The following ULK4 variants were observed in gnomAD, a reference collection of about 807,000 sequenced individuals.
ULK4 encodes unc-51 like kinase 4.
ULK4 carries 133 observed loss-of-function variants against 160.6 expected under a neutral mutation model. That is an observed-to-expected ratio of 0.83 (90% confidence interval 0.72 to 0.96). ULK4 has a LOEUF of 0.96. Among genes scored for constraint, ULK4 ranks in the 40% least tolerant of loss-of-function variants. ULK4 has a pLI of 0.00. For missense variants in ULK4, 1,580 were observed against 1,499.5 expected (o/e 1.05, Z -0.89); for synonymous variants, 534 against 539.8 (o/e 0.99, Z 0.15).
intron 32 of ULK4, among the ~76,000 whole-genome samples, chr3:41,477,232 A>G (rs2084171448): frequency 6.6e-6 from 1 of 152,180 alleles, no homozygotes; most frequent in African/African-American, 2.4e-5. Flanking sequence ...TCCGTAAGTT[A>G]TTTTCAAGTG....
At chr3:41,930,720 C>A (rs1410333112) in intron 5 of ULK4, among the ~76,000 whole-genome samples, 1 of 152,086 alleles carries the variant, frequency 6.6e-6, no homozygotes, top group Non-Finnish European at 1.5e-5. Context: ...ATTTATGCGG[C>A]CAACAAACAT....
At chr3:41,406,883 T>A (rs563678479) in intron 34 of ULK4, among the ~76,000 whole-genome samples, 1 of 152,194 alleles carries the variant, frequency 6.6e-6, no homozygotes, top group South Asian at 2.1e-4. Flanking sequence ...TGAAGAACGG[T>A]TGTCCCTAAG....
At chr3:41,378,124 AC>A (rs2081552034) in intron 35 of ULK4, among the ~76,000 whole-genome samples, 1 of 151,056 alleles carries the variant, frequency 6.6e-6, no homozygotes, top group South Asian at 2.1e-4. Flanking sequence ...TATTGCAAGA[AC>A]AAAAAACCAA....
chr3:41,258,302 C>T (rs977678377), intron 35 of ULK4: 5 of 152,106 alleles, frequency 3.3e-5, no homozygotes, highest in African/African-American at 1.2e-4. Flanking sequence ...AAACTGAAAC[C>T]CACAAAGAAA....
intron 35 of ULK4, chr3:41,277,813 A>C (rs2125691452): frequency 6.6e-6 from 1 of 151,982 alleles, no homozygotes. Context: ...TACCTTAAAA[A>C]CCCTAGGGGT....
At chr3:41,809,059 A>G (rs1308815134) in intron 19 of ULK4, among the ~76,000 whole-genome samples, 1 of 151,804 alleles carries the variant, frequency 6.6e-6, no homozygotes, top group African/African-American at 2.4e-5. Flanking sequence ...TCAGCTACTC[A>G]GGATGCTGAG....
Position 41,825,412 on chromosome 3 carries a change from GA to G in ULK4, c.1765-5907del, listed in dbSNP as rs936289465. ...CTATGGCAAAGAAGTTAAAAACCTT[GA>G]AAAAAAATTAGACAAATGGCTAACC... On this transcript the variant is annotated intron_variant, in intron 18 of 36. Transcript: ENST00000301831. 2.1e-5 allele frequency among the ~76,000 whole-genome samples: 3 copies of G among 139,630 alleles called. No homozygotes were observed. The South Asian group carries it at 6.2e-4, about 29-fold the overall frequency. 91.6% of individuals were successfully genotyped at this position (139,630 alleles called of 152,430 possible).
chr3:41,434,486 G>A (rs1326419933), intron 34 of ULK4, among the ~76,000 whole-genome samples: 5 of 152,138 alleles, frequency 3.3e-5, no homozygotes, highest in Admixed American at 6.5e-5. Context: ...TTTTTTGTGA[G>A]TCTGGATAAG....
intron 17 of ULK4, among the ~76,000 whole-genome samples, chr3:41,856,616 CACAT>C (rs777861785): frequency 9.4e-4 from 69 of 73,394 alleles, no homozygotes; most frequent in East Asian, 4.7e-3. Context: ...TATATATATA[CACAT>C]ATATATATAT....
At chr3:41,410,806 G>A (rs981001024) in intron 34 of ULK4, among the ~76,000 whole-genome samples, 5 of 152,130 alleles carry the variant, frequency 3.3e-5, no homozygotes, top group Non-Finnish European at 7.4e-5. Context: ...CAGGGACAGG[G>A]AAAAATGAAA....
At chr3:41,447,301 G>C (rs965960980) in intron 34 of ULK4, among the ~76,000 whole-genome samples, 7 of 152,008 alleles carry the variant, frequency 4.6e-5, no homozygotes, top group African/African-American at 1.7e-4. Context: ...TCTGAAAGAG[G>C]GCTTGAAAAG....
At chr3:41,694,244 A>G (rs907234027) in intron 27 of ULK4, among the ~76,000 whole-genome samples, 1 of 152,200 alleles carries the variant, frequency 6.6e-6, no homozygotes, top group African/African-American at 2.4e-5. Flanking sequence ...TCAAATATGT[A>G]TGTGTGTGCA....
rs79548912 is a variant in ULK4 at position 41,790,290 on chromosome 3, T to G, written c.2011-447A>C. Among the ~76,000 whole-genome samples the G allele has an allele frequency of 7.9e-4, 121 of 152,364 alleles. 1 individual carries two copies. The East Asian group carries it at 0.018, about 23-fold the overall frequency. On this transcript the variant is annotated intron_variant, in intron 20 of 36. Coordinates refer to ENST00000301831, the MANE Select transcript of ULK4 (RefSeq NM_017886.4). The stretch of plus-strand genomic sequence containing the variant: ...TCTAACAACTATGAGAAAGGTAGTA[T>G]TATTATCCTCATTTTATAGATGATA...
At chr3:41,272,874 G>C (rs887955502) in intron 35 of ULK4, among the ~76,000 whole-genome samples, 8 of 151,976 alleles carry the variant, frequency 5.3e-5, no homozygotes, top group African/African-American at 1.9e-4. Flanking sequence ...ACCATCCCAT[G>C]TATTTTTTCC....
At chr3:41,460,759 C>T (rs532415808) in intron 33 of ULK4, among the ~76,000 whole-genome samples, 34 of 152,178 alleles carry the variant, frequency 2.2e-4, no homozygotes, top group South Asian at 1.2e-3. Flanking sequence ...TCACCTTCAC[C>T]GGGCCAGGTA....
At chr3:41,697,153 A>T (rs2036530249) in intron 27 of ULK4, among the ~76,000 whole-genome samples, 1 of 152,196 alleles carries the variant, frequency 6.6e-6, no homozygotes, top group Non-Finnish European at 1.5e-5. Context: ...TAGAATATGA[A>T]TCCACACCAA....
chr3:41,838,260 T>G (rs1360514245), intron 17 of ULK4, among the ~76,000 whole-genome samples: 1 of 152,182 alleles, frequency 6.6e-6, no homozygotes, highest in Non-Finnish European at 1.5e-5. Context: ...TGCTATTAAG[T>G]TTTCTAAATT....
At chr3:41,521,453 T>C (rs2085930206) in intron 32 of ULK4, among the ~76,000 whole-genome samples, 1 of 151,636 alleles carries the variant, frequency 6.6e-6, no homozygotes, top group African/African-American at 2.4e-5. Context: ...CTTCAATTCC[T>C]CTTTTTGAAA....
intron 35 of ULK4, among the ~76,000 whole-genome samples, chr3:41,320,720 C>G (rs1035400433): frequency 2.4e-5 from 3 of 125,246 alleles, no homozygotes; most frequent in Non-Finnish European, 1.7e-5. Flanking sequence ...AGTTCCAGAT[C>G]AGCCTGGCCA....
Sources: allele counts gnomAD v4.1 joint callset (sites outside exome capture counted in the v4.1 genomes callset), GRCh38; gene constraint gnomAD v4.1.1; transcripts MANE v1.5; gene names NCBI Gene and HGNC (gene_info 2026-07-23, HGNC 2026-07-21).